Variants in PIP5K1C observed in about 807,000 individuals in gnomAD.
The protein encoded by PIP5K1C is phosphatidylinositol 4-phosphate 5-kinase type-1 gamma.
A neutral mutation model predicts 80.1 loss-of-function variants in PIP5K1C; 45 were observed. The observed-to-expected ratio is 0.56, with a 90% CI of 0.44 to 0.72. The LOEUF (loss-of-function observed/expected upper bound fraction) is 0.72. Ranked by LOEUF, PIP5K1C falls within the 30% of genes least tolerant of loss-of-function variation. The pLI, the probability that PIP5K1C is intolerant of heterozygous loss-of-function variation, is 0.00. For missense variants in PIP5K1C, 753 were observed against 954.6 expected, an observed-to-expected ratio of 0.79 and a Z score of 2.78; for synonymous variants, 498 against 420.1, an observed-to-expected ratio of 1.19 and a Z score of -2.27.
At chr19:3,644,297 A>G in intron 11 of PIP5K1C, 46 bp from the exon 12 acceptor site, 5 of 1,589,342 alleles carry the variant, frequency 3.1e-6, no homozygotes, top group Non-Finnish European at 4.3e-6. Flanking sequence ...CTGGGGGCTC[A>G]TAGCAAAGCC....
At chr19:3,668,933 C>A (rs571684543) in intron 1 of PIP5K1C, among the ~76,000 whole-genome samples, 19 of 152,310 alleles carry the variant, frequency 1.2e-4, no homozygotes, top group East Asian at 5.8e-4. Context: ...GTCCTCCAGG[C>A]TCATGCAGAG....
chr19:3,645,758 C>A (rs529120010), intron 11 of PIP5K1C, among the ~76,000 whole-genome samples: 1 of 152,374 alleles, frequency 6.6e-6, no homozygotes, highest in Admixed American at 6.5e-5. Context: ...GATTCAGGCT[C>A]TGGCGGTGGC....
chr19:3,648,836 A>C lies in PIP5K1C; in HGVS notation c.1128-128T>G. 1.3e-6 allele frequency: 1 copy of C among 746,438 alleles called. No homozygotes were observed. The highest frequency in any genetic ancestry group is 2.3e-6 in the Non-Finnish European group (1 of 431,670). 46.2% of individuals were successfully genotyped at this position (746,438 alleles called of 1,614,324 possible). On this transcript the variant is annotated intron_variant, in intron 8 of 17. Coordinates refer to ENST00000335312, the MANE Select transcript of PIP5K1C (RefSeq NM_012398.3). The surrounding 1 kb of genome is among the most constrained non-coding windows in gnomAD (Gnocchi z 4.3). ...GGTGGCAACTTGGCCAAGCTCTCGG[A>C]GTGGGGCCTGGCACCCGGGAACCTC...
At chr19:3,646,358 C>T (rs1458170472) in intron 10 of PIP5K1C, among the ~76,000 whole-genome samples, 5 of 152,154 alleles carry the variant, frequency 3.3e-5, no homozygotes, top group Admixed American at 6.5e-5. Flanking sequence ...CAGTGGCCCA[C>T]GTGGACTTGT....
intron 1 of PIP5K1C, among the ~76,000 whole-genome samples, chr19:3,697,281 G>A (rs552730101): frequency 2.1e-5 from 3 of 142,750 alleles, no homozygotes; most frequent in East Asian, 4.2e-4. Context: ...GGACCAAGCC[G>A]GATAGAGGAC....
At chr19:3,693,462 T>C (rs886312283) in intron 1 of PIP5K1C, among the ~76,000 whole-genome samples, 53 of 152,244 alleles carry the variant, frequency 3.5e-4, no homozygotes, top group African/African-American at 1.3e-3. Flanking sequence ...GTAATCCCCA[T>C]GAGTACTGGC....
intron 1 of PIP5K1C, among the ~76,000 whole-genome samples, chr19:3,699,349 T>TTGA (rs1346649784): frequency 2.1e-5 from 3 of 145,988 alleles, no homozygotes; most frequent in Admixed American, 1.4e-4. Context: ...GGGGGGGGAC[T>TTGA]TGATGACTTC....
rs1468456194 is a variant in PIP5K1C, at chr19:3,656,681, A to C, written c.469-124T>G. 5.7e-6 allele frequency: 6 copies of C among 1,053,048 alleles called. No homozygotes were observed. The East Asian group carries it at 1.5e-4, about 27-fold the overall frequency. 65.2% of individuals were successfully genotyped at this position (1,053,048 alleles called of 1,614,324 possible). A position where few individuals can be genotyped will look rare whatever the true frequency, so the allele number is the denominator to read the frequency against. On this transcript the variant is annotated intron_variant, in intron 5 of 17. Transcript: ENST00000335312. ...GTCGCTGCATTTTACAGATGCGGAA[A>C]GAGAGGCTCAGAGAGGGCGAGAGAC... is the stretch of plus-strand genomic sequence containing the variant.
At chr19:3,664,353 C>T (rs1327913700) in intron 3 of PIP5K1C, among the ~76,000 whole-genome samples, 2 of 151,954 alleles carry the variant, frequency 1.3e-5, no homozygotes, top group East Asian at 3.9e-4. Flanking sequence ...CTGAATTGTA[C>T]AGTATATGAA....
chr19:3,651,047 C>T (rs911188677), intron 8 of PIP5K1C, among the ~76,000 whole-genome samples: 24 of 144,966 alleles, frequency 1.7e-4, no homozygotes, highest in Non-Finnish European at 2.3e-4. Flanking sequence ...TGAGCCACCG[C>T]GCCCAGCGTT....
intron 1 of PIP5K1C, among the ~76,000 whole-genome samples, chr19:3,694,763 C>T (rs1380537540): frequency 6.6e-6 from 1 of 152,268 alleles, no homozygotes; most frequent in Admixed American, 6.5e-5. Flanking sequence ...CACAGCCCAC[C>T]CTTATTCAGC....
intron 3 of PIP5K1C, among the ~76,000 whole-genome samples, chr19:3,662,709 G>A (rs2034875229): frequency 6.6e-6 from 1 of 151,934 alleles, no homozygotes; most frequent in South Asian, 2.1e-4. Flanking sequence ...GGGATTATAG[G>A]TGCGCGCCGT....
At chr19:3,691,335 G>A (rs906853596) in intron 1 of PIP5K1C, among the ~76,000 whole-genome samples, 2 of 152,168 alleles carry the variant, frequency 1.3e-5, no homozygotes, top group Non-Finnish European at 2.9e-5. Context: ...TGGGGGCCTC[G>A]CTAATCTGGG....
intron 1 of PIP5K1C, among the ~76,000 whole-genome samples, chr19:3,695,786 C>G (rs554744611): frequency 1.3e-5 from 2 of 150,732 alleles, no homozygotes; most frequent in South Asian, 4.2e-4. Flanking sequence ...TGCAGTGGCA[C>G]GATCACAGCT....
Position 3,637,365 on chromosome 19 carries a change from G to T in PIP5K1C, c.1920+1519C>A, listed in dbSNP as rs958292161. On this transcript the variant is annotated intron_variant, in intron 16 of 17. Transcript: ENST00000335312. This position sits in a 1 kb window ranked among gnomAD's most constrained non-coding sequence, Gnocchi z 7.0. ...TTCCCAGTGACGCATGCAGCCCAGC[G>T]CCTGGTCCGGGGCCAGCGTGGCTGA... 2.6e-6 allele frequency: 4 copies of T among 1,535,334 alleles called. No individual in the cohort carries two copies. The South Asian group carries it at 4.8e-5, about 18-fold the overall frequency.
rs772322661 is a variant in PIP5K1C at position 3,648,737 on chromosome 19, G to A, written c.1128-29C>T. 5.6e-6 allele frequency: 9 copies of A among 1,595,174 alleles called. No individual in the cohort carries two copies. The East Asian group carries it at 1.8e-4, about 32-fold the overall frequency. The stretch of plus-strand genomic sequence containing the variant: ...GGGAGAGAGGCCGAGGGTACCATCA[G>A]CATCCCGCAGAGCTGGGACTCGGGG... On this transcript the variant is annotated intron_variant, in intron 8 of 17. Transcript: ENST00000335312. This position sits in a 1 kb window ranked among gnomAD's most constrained non-coding sequence, Gnocchi z 4.3.
Position 3,651,834 on chromosome 19 carries a change from C to T in PIP5K1C, c.1119G>A (p.Ser373=), listed in dbSNP as rs770422432. Residue 373 remains serine, a synonymous_variant, in exon 8 of 18, where the codon TCG becomes TCA. Transcript: ENST00000335312. ...GCCCCCCGCCCACCTACGTGTCATC[C>T]GATTCGATGGCCTCCCCGCGCGCGG... ...GGAARGEAIE[S]DDTMGGIPAV... is the part of the protein sequence containing the mutation. The T allele has an allele frequency of 9.9e-6, 16 of 1,611,456 alleles. No individual in the cohort carries two copies. The highest frequency in any genetic ancestry group is 6.7e-5 in the African/African-American group (5 of 74,910).
chr19:3,643,190 C>A (rs2034051249), intron 13 of PIP5K1C, 53 bp downstream of exon 13: 5 of 1,607,596 alleles, frequency 3.1e-6, no homozygotes, highest in Non-Finnish European at 4.2e-6. Context: ...GAATGCCCCG[C>A]CCCCACGCAC....
chr19:3,666,514 C>T (rs1366406183), intron 2 of PIP5K1C, among the ~76,000 whole-genome samples: 7 of 152,236 alleles, frequency 4.6e-5, no homozygotes, highest in African/African-American at 1.7e-4. Context: ...GACGTGCACA[C>T]AGGCAAACGT....
Sources: gnomAD v4.1 joint callset for allele counts (sites outside exome capture counted in the v4.1 genomes callset) on GRCh38, gnomAD v4.1.1 for gene constraint, Gnocchi (gnomAD v3.1) non-coding constraint, MANE v1.5 for transcripts, NCBI Gene and HGNC (gene_info 2026-07-23, HGNC 2026-07-21) for gene names.